Variants in GULP1 observed in about 807,000 individuals in gnomAD.
GULP1 encodes the protein GULP PTB domain containing engulfment adaptor 1, also known as PTB domain-containing engulfment adapter protein 1.
In GULP1, 19 loss-of-function variants were observed where a neutral mutation model predicts 40.9. The ratio of observed to expected loss-of-function variants is 0.46; its 90% CI spans 0.32 to 0.68. GULP1 has a LOEUF of 0.68. Among genes scored for constraint, GULP1 ranks in the 30% least tolerant of loss-of-function variants. The pLI is 0.03. For missense variants in GULP1, 312 were observed against 362.2 expected, an observed-to-expected ratio of 0.86 and a Z score of 1.12; for synonymous variants, 119 against 117.6, an observed-to-expected ratio of 1.01 and a Z score of -0.08.
intron 1 of GULP1, among the ~76,000 whole-genome samples, chr2:188,369,297 A>G (rs1411026023): frequency 6.6e-6 from 1 of 151,964 alleles, no homozygotes; most frequent in African/African-American, 2.4e-5. Flanking sequence ...TATACAATCA[A>G]AGTTTTGTTC....
At chr2:188,436,037 A>C (rs909368034) in intron 2 of GULP1, among the ~76,000 whole-genome samples, 1 of 152,066 alleles carries the variant, frequency 6.6e-6, no homozygotes, top group Non-Finnish European at 1.5e-5. Flanking sequence ...AAACCTCTCC[A>C]TCTTTACCAT....
chr2:188,541,044 G>T lies in GULP1; in HGVS notation c.262-137G>T, dbSNP rs1321798110. On this transcript the variant is annotated intron_variant, in intron 6 of 11. Transcript: ENST00000409830. ...CATTATGCCTTTGTTTTAGGTTGGG[G>T]TGTACATAATTATAAAATCAAAGAT... The T allele has an allele frequency of 1.4e-5, 10 of 714,092 alleles. No individual in the cohort carries two copies. The South Asian group carries it at 1.5e-4, about 11-fold the overall frequency. The allele number at this position is 714,092 out of a possible 1,614,324, so 44.2% of individuals were successfully genotyped here. A position where few individuals can be genotyped will look rare whatever the true frequency, so the allele number is the denominator to read the frequency against.
At chr2:188,529,022 C>G in intron 5 of GULP1, 75 bp from the exon 6 acceptor site, 1 of 747,122 alleles carries the variant, frequency 1.3e-6, no homozygotes, top group Non-Finnish European at 2.3e-6. Context: ...AATATGAACT[C>G]CAAATGTATA....
intron 1 of GULP1, among the ~76,000 whole-genome samples, chr2:188,313,171 G>A (rs1266238054): frequency 1.3e-5 from 2 of 152,132 alleles, no homozygotes; most frequent in Non-Finnish European, 2.9e-5. Flanking sequence ...TGCTTTTGAC[G>A]TTTTTGTTAT....
At chr2:188,524,746 G>GA (rs1166235446) in intron 5 of GULP1, among the ~76,000 whole-genome samples, 2 of 151,094 alleles carry the variant, frequency 1.3e-5, no homozygotes, top group African/African-American at 2.4e-5. Context: ...AAAAAAAAGA[G>GA]AAAAAAGAAC....
intron 7 of GULP1, among the ~76,000 whole-genome samples, chr2:188,568,611 A>G (rs1016196562): frequency 2.0e-5 from 3 of 152,190 alleles, no homozygotes; most frequent in African/African-American, 4.8e-5. Context: ...GGGAGCTCTC[A>G]TATAAAATTT....
At chr2:188,437,617 C>T (rs989672800) in intron 2 of GULP1, among the ~76,000 whole-genome samples, 12 of 152,022 alleles carry the variant, frequency 7.9e-5, no homozygotes, top group Admixed American at 1.3e-4. Context: ...CATAAAGACA[C>T]GTACATGTGA....
At chr2:188,369,308 A>C (rs746493863) in intron 1 of GULP1, among the ~76,000 whole-genome samples, 1 of 151,960 alleles carries the variant, frequency 6.6e-6, no homozygotes, top group Non-Finnish European at 1.5e-5. Flanking sequence ...AGTTTTGTTC[A>C]TTCATCATTT....
intron 4 of GULP1, among the ~76,000 whole-genome samples, chr2:188,501,277 T>G (rs1173236792): frequency 6.6e-6 from 1 of 151,810 alleles, no homozygotes; most frequent in Non-Finnish European, 1.5e-5. Context: ...ATCTGATGGC[T>G]TAAAAGTGTG....
chr2:188,410,802 T>G (rs1208343889), intron 2 of GULP1, among the ~76,000 whole-genome samples: 1 of 152,032 alleles, frequency 6.6e-6, no homozygotes, highest in Admixed American at 6.5e-5. Context: ...TGGGAAACAT[T>G]TTAAAGATAG....
intron 1 of GULP1, among the ~76,000 whole-genome samples, chr2:188,306,295 TTAAA>T (rs1391193661): frequency 1.3e-5 from 2 of 152,198 alleles, no homozygotes; most frequent in Non-Finnish European, 2.9e-5. Context: ...AAATTTAACT[TTAAA>T]TAGTTTATTT....
intron 2 of GULP1, among the ~76,000 whole-genome samples, chr2:188,385,840 C>T (rs964890271): frequency 1.3e-5 from 2 of 152,150 alleles, no homozygotes; most frequent in African/African-American, 2.4e-5. Flanking sequence ...AGTTCCTCAT[C>T]TCTGTCTGAG....
chr2:188,565,256 G>T (rs1024567636), intron 7 of GULP1, among the ~76,000 whole-genome samples: 1 of 151,844 alleles, frequency 6.6e-6, no homozygotes, highest in Non-Finnish European at 1.5e-5. Flanking sequence ...TCAGCAAACT[G>T]AAAAAGCAAG....
intron 2 of GULP1, among the ~76,000 whole-genome samples, chr2:188,393,706 A>G (rs762413126): frequency 2.0e-5 from 3 of 152,138 alleles, no homozygotes; most frequent in Non-Finnish European, 4.4e-5. Flanking sequence ...GTTTTGATGC[A>G]TATTCACCTT....
intron 2 of GULP1, among the ~76,000 whole-genome samples, chr2:188,442,610 G>A (rs2058036375): frequency 6.6e-6 from 1 of 152,128 alleles, no homozygotes; most frequent in South Asian, 2.1e-4. Flanking sequence ...GGATACACTA[G>A]AGAGTCTGGG....
At chr2:188,431,871 C>G (rs1478075188) in intron 2 of GULP1, among the ~76,000 whole-genome samples, 1 of 151,808 alleles carries the variant, frequency 6.6e-6, no homozygotes. Flanking sequence ...AACTTTCTCT[C>G]TTACTTACTG....
intron 2 of GULP1, among the ~76,000 whole-genome samples, chr2:188,428,626 G>A (rs1487285004): frequency 6.6e-6 from 1 of 152,084 alleles, no homozygotes; most frequent in Non-Finnish European, 1.5e-5. Context: ...TAAAGTGCAG[G>A]CTCCCTGTTG....
rs2062702371 is a variant in GULP1 at position 188,494,409 on chromosome 2, A to T, written c.90+10917A>T. 2.0e-5 allele frequency among the ~76,000 whole-genome samples: 3 copies of T among 152,158 alleles called. No individual in the cohort carries two copies. The South Asian group carries it at 6.2e-4, about 32-fold the overall frequency. On this transcript the variant is annotated intron_variant, in intron 4 of 11. Coordinates refer to ENST00000409830, the MANE Select transcript of GULP1 (RefSeq NM_016315.4). ...TTTTTCCCTAATCTATCACAGACTC[A>T]TATTTTTCAAAAATCTTATAGTAAT...
intron 7 of GULP1, among the ~76,000 whole-genome samples, chr2:188,542,409 T>G (rs1690758066): frequency 6.6e-6 from 1 of 152,184 alleles, no homozygotes; most frequent in Non-Finnish European, 1.5e-5. Context: ...ACAAATACCT[T>G]TTTATTTGTT....
Sources: allele counts gnomAD v4.1 joint callset (sites outside exome capture counted in the v4.1 genomes callset), GRCh38; gene constraint gnomAD v4.1.1; transcripts MANE v1.5; gene names NCBI Gene and HGNC (gene_info 2026-07-23, HGNC 2026-07-21).